The following CAMKMT variants were observed in gnomAD, a reference collection of about 807,000 sequenced individuals.
CAMKMT encodes the protein calmodulin-lysine N-methyltransferase.
A neutral mutation model predicts 48.0 loss-of-function variants in CAMKMT; 53 were observed. The observed-to-expected ratio is 1.10, with a 90% CI of 0.89 to 1.39. CAMKMT has a LOEUF of 1.39. Ranked by LOEUF, CAMKMT falls within the 40% of genes most tolerant of loss-of-function variation. The pLI is 0.00. For synonymous variants in CAMKMT, 165 were observed against 152.3 expected (o/e 1.08, Z -0.61); for missense variants, 428 against 402.7 (o/e 1.06, Z -0.54).
intron 3 of CAMKMT, among the ~76,000 whole-genome samples, chr2:44,560,714 C>A (rs1187456729): frequency 6.6e-6 from 1 of 152,178 alleles, no homozygotes; most frequent in Non-Finnish European, 1.5e-5. Context: ...TAATTTTATC[C>A]TTCAAAATCA....
intron 3 of CAMKMT, among the ~76,000 whole-genome samples, chr2:44,513,481 T>C (rs953413486): frequency 2.6e-5 from 4 of 152,230 alleles, no homozygotes; most frequent in African/African-American, 9.6e-5. Flanking sequence ...CTACTTGTTT[T>C]TGAATTTTTA....
At chr2:44,761,659 T>C (rs868208070) in intron 9 of CAMKMT, among the ~76,000 whole-genome samples, 6 of 152,232 alleles carry the variant, frequency 3.9e-5, no homozygotes, top group South Asian at 2.1e-4. Flanking sequence ...GTGATGCAGG[T>C]AGGGGGATGT....
chr2:44,753,647 G>A (rs1680249251), intron 8 of CAMKMT, among the ~76,000 whole-genome samples: 1 of 152,164 alleles, frequency 6.6e-6, no homozygotes. Flanking sequence ...TCATAGGGCT[G>A]GTGGTTTGTG....
At chr2:44,542,871 A>G (rs1250752093) in intron 3 of CAMKMT, among the ~76,000 whole-genome samples, 1 of 152,172 alleles carries the variant, frequency 6.6e-6, no homozygotes, top group Non-Finnish European at 1.5e-5. Context: ...CTGGAAACCT[A>G]GACTAATTTA....
intron 3 of CAMKMT, among the ~76,000 whole-genome samples, chr2:44,475,379 G>A (rs1029410979): frequency 2.0e-5 from 3 of 150,306 alleles, no homozygotes; most frequent in Admixed American, 6.7e-5. Flanking sequence ...GTGCAGTGGC[G>A]TCATCTTGGC....
At chr2:44,396,422 T>C (rs561485121) in intron 3 of CAMKMT, among the ~76,000 whole-genome samples, 46 of 152,218 alleles carry the variant, frequency 3.0e-4, no homozygotes, top group Non-Finnish European at 4.1e-4. Context: ...TCTGAAAACC[T>C]GTAAGATAGA....
At chr2:44,370,568 C>A (rs538152214) in intron 1 of CAMKMT, among the ~76,000 whole-genome samples, 1 of 152,176 alleles carries the variant, frequency 6.6e-6, no homozygotes, top group South Asian at 2.1e-4. Flanking sequence ...AAGGATTTAT[C>A]AGTTTTATCA....
At chr2:44,551,838 C>T (rs1424511611) in intron 3 of CAMKMT, among the ~76,000 whole-genome samples, 2 of 152,102 alleles carry the variant, frequency 1.3e-5, no homozygotes, top group Non-Finnish European at 2.9e-5. Context: ...TTATTATTCT[C>T]ATTTTACAGA....
chr2:44,631,040 G>A (rs865794012), intron 3 of CAMKMT, among the ~76,000 whole-genome samples: 13 of 152,252 alleles, frequency 8.5e-5, no homozygotes, highest in East Asian at 7.7e-4. Context: ...AATGTGGCAT[G>A]TATACACCAT....
In CAMKMT at chr2:44,372,752, C is replaced by T. The variant is rs1256389950; in HGVS notation, c.175C>T (p.His59Tyr). Residue 59 changes from histidine to tyrosine, a missense_variant, in exon 2 of 11, where the codon CAT becomes TAT. By Grantham distance (83) the His-to-Tyr change is moderately conservative (BLOSUM62 2). Coordinates refer to ENST00000378494, the MANE Select transcript of CAMKMT (RefSeq NM_024766.5). ...KQKHLDDCLR[H>Y]VSVRRFESFN... ...AAAACACCTGGATGATTGCCTGCGA[C>T]ATGTATCTGTAAGAAGATTTGAATC... 1.2e-6 allele frequency: 2 copies of T among 1,613,302 alleles called. No homozygotes were observed. Among genetic ancestry groups the T allele is most frequent in the Non-Finnish European group, 1.7e-6 (2 of 1,179,810 alleles).
intron 3 of CAMKMT, among the ~76,000 whole-genome samples, chr2:44,614,251 T>C (rs994048698): frequency 6.6e-6 from 1 of 152,174 alleles, no homozygotes; most frequent in African/African-American, 2.4e-5. Context: ...AAGAGAGAGA[T>C]GGGTTTATGG....
At chr2:44,449,720 A>C (rs1466007146) in intron 3 of CAMKMT, among the ~76,000 whole-genome samples, 1 of 152,186 alleles carries the variant, frequency 6.6e-6, no homozygotes, top group African/African-American at 2.4e-5. Flanking sequence ...ACAGCAAGGA[A>C]ATTTCTTCTT....
At position 44,646,109 on chromosome 2, in the gene CAMKMT, C is replaced by T. The variant is rs113275962; in HGVS notation, c.377-58174C>T. On this transcript the variant is annotated intron_variant, in intron 3 of 10. Coordinates refer to ENST00000378494, the MANE Select transcript of CAMKMT (RefSeq NM_024766.5). The stretch of plus-strand genomic sequence containing the variant: ...TGATTGTAGAACAGTCAGAGAGCTT[C>T]GTGCTGGTGAACATTAATAGAGCTA... Among the ~76,000 whole-genome samples the T allele has an allele frequency of 2.0e-3, 310 of 152,244 alleles. No homozygotes were observed. In the Middle Eastern group the frequency reaches 0.024, roughly 12 times the overall value.
intron 3 of CAMKMT, among the ~76,000 whole-genome samples, chr2:44,577,191 A>G (rs1425023885): frequency 6.6e-6 from 1 of 152,222 alleles, no homozygotes; most frequent in Non-Finnish European, 1.5e-5. Context: ...AACTTGTTGA[A>G]TGTCTCATTT....
At chr2:44,555,238 T>A (rs1446244612) in intron 3 of CAMKMT, among the ~76,000 whole-genome samples, 1 of 152,216 alleles carries the variant, frequency 6.6e-6, no homozygotes, top group Non-Finnish European at 1.5e-5. Context: ...AGTCAGAGGC[T>A]GTTGACATGG....
At chr2:44,746,404 G>T (rs971891370) in intron 8 of CAMKMT, among the ~76,000 whole-genome samples, 100 of 152,100 alleles carry the variant, frequency 6.6e-4, no homozygotes, top group African/African-American at 2.2e-3. Context: ...CATATATTCA[G>T]ATATTTACAT....
chr2:44,640,353 G>A (rs1338970100), intron 3 of CAMKMT, among the ~76,000 whole-genome samples: 1 of 152,188 alleles, frequency 6.6e-6, no homozygotes, highest in East Asian at 1.9e-4. Flanking sequence ...CGCATTTTGA[G>A]TATTTGAGAG....
chr2:44,627,688 C>T (rs900657056), intron 3 of CAMKMT, among the ~76,000 whole-genome samples: 3 of 117,436 alleles, frequency 2.6e-5, no homozygotes, highest in Non-Finnish European at 5.6e-5. Context: ...ATAATGGTCC[C>T]ATTTTATCCT....
chr2:44,770,994 C>G (rs1681083296), intron 10 of CAMKMT, among the ~76,000 whole-genome samples: 1 of 152,218 alleles, frequency 6.6e-6, no homozygotes, highest in Non-Finnish European at 1.5e-5. Flanking sequence ...GAAGTGGGCT[C>G]ATGACTCCTG....
Sources: allele counts gnomAD v4.1 joint callset (sites outside exome capture counted in the v4.1 genomes callset), GRCh38; gene constraint gnomAD v4.1.1; transcripts MANE v1.5; gene names NCBI Gene and HGNC (gene_info 2026-07-23, HGNC 2026-07-21).